Variants in ZFAND1 observed in about 807,000 individuals in gnomAD.
The protein encoded by ZFAND1 is zinc finger AN1-type containing 1.
ZFAND1 carries 40 observed loss-of-function variants against 38.5 expected under a neutral mutation model. That is an observed-to-expected ratio of 1.04 (90% CI 0.81 to 1.35). ZFAND1 has a LOEUF of 1.35. Among genes scored for constraint, ZFAND1 ranks in the 40% most tolerant of loss-of-function variants. The pLI is 0.00. For missense variants in ZFAND1, 346 were observed against 316.3 expected (o/e 1.09, Z -0.71); for synonymous variants, 117 against 103.6 (o/e 1.13, Z -0.78).
chr8:81,708,248 CAAAAAAAAAAAA>C (rs746812833), intron 6 of ZFAND1, among the ~76,000 whole-genome samples: 5 of 62,946 alleles, frequency 7.9e-5, no homozygotes, highest in Admixed American at 1.9e-4. Context: ...AAAGCTCCAT[CAAAAAAAAAAAA>C]AAAAAAAAGG....
intron 6 of ZFAND1, among the ~76,000 whole-genome samples, chr8:81,711,939 AAGAG>A (rs77217580): frequency 0.058 from 8,853 of 152,222 alleles, 360 homozygotes; most frequent in African/African-American, 0.11. Context: ...CAAAGAATAG[AAGAG>A]AGAAAGCTAC....
chr8:81,714,704 C>T, intron 5 of ZFAND1, 100 bp downstream of exon 5: 2 of 962,792 alleles, frequency 2.1e-6, no homozygotes, highest in Admixed American at 3.8e-5. Context: ...ACGAATACCA[C>T]TGGGGTTATT....
intron 6 of ZFAND1, among the ~76,000 whole-genome samples, chr8:81,711,382 A>C (rs1355416746): frequency 6.6e-6 from 1 of 152,342 alleles, no homozygotes; most frequent in South Asian, 2.1e-4. Context: ...ACTGCACTCC[A>C]GCCTGGGCGA....
intron 6 of ZFAND1, chr8:81,708,854 T>C (rs1334698382): frequency 2.5e-6 from 3 of 1,191,894 alleles, no homozygotes; most frequent in Admixed American, 2.9e-5. Context: ...TAAAAATATA[T>C]CTCAGAAGAG....
intron 6 of ZFAND1, among the ~76,000 whole-genome samples, chr8:81,704,538 CAAAAAAAAAAA>C (rs58216047): frequency 2.8e-5 from 3 of 105,336 alleles, no homozygotes; most frequent in African/African-American, 1.1e-4. Flanking sequence ...GACCCTATTT[CAAAAAAAAAAA>C]AAAAAAAAAA....
intron 6 of ZFAND1, among the ~76,000 whole-genome samples, chr8:81,709,573 TAACA>T (rs1231630105): frequency 1.3e-4 from 20 of 152,160 alleles, no homozygotes; most frequent in Middle Eastern, 3.4e-3. Context: ...CACACACATA[TAACA>T]AATACACTTA....
chr8:81,716,817 C>A (rs9643762), intron 3 of ZFAND1, among the ~76,000 whole-genome samples: 8,860 of 152,100 alleles, frequency 0.058, 364 homozygotes, highest in African/African-American at 0.11. Context: ...CGTGGTGGCA[C>A]GTGCCTATAA....
At chr8:81,721,001 G>T in intron 1 of ZFAND1, 1 of 544,212 alleles carries the variant, frequency 1.8e-6, no homozygotes, top group Admixed American at 3.3e-5. Flanking sequence ...CTCAGGAATT[G>T]CATGGCTTCC....
rs1309381611 is a variant in ZFAND1, at chr8:81,717,302, A to G, written c.99-14T>C. On this transcript the variant is annotated splice_polypyrimidine_tract_variant and intron_variant, in intron 2 of 7. Transcript: ENST00000220669. ...CTGTGTTCAAGGCTTAAATAATAAT[A>G]GCAAGTGTTTATTTAAATAACATAC... 2.6e-6 allele frequency: 4 copies of G among 1,514,530 alleles called. No individual in the cohort carries two copies. Among genetic ancestry groups the G allele is most frequent in the Non-Finnish European group, 3.5e-6 (4 of 1,140,660 alleles). 93.8% of individuals were successfully genotyped at this position (1,514,530 alleles called of 1,614,324 possible). A position where few individuals can be genotyped will look rare whatever the true frequency, so the allele number is the denominator to read the frequency against.
At chr8:81,716,371 T>C (rs1182207380) in intron 3 of ZFAND1, among the ~76,000 whole-genome samples, 1 of 152,222 alleles carries the variant, frequency 6.6e-6, no homozygotes, top group Non-Finnish European at 1.5e-5. Context: ...ACCCATTTGC[T>C]CTATGCTGAA....
At chr8:81,721,061 C>G in intron 1 of ZFAND1, 166 bp downstream of exon 1, 1 of 599,602 alleles carries the variant, frequency 1.7e-6, no homozygotes, top group South Asian at 1.9e-5. Flanking sequence ...AAAAAAAACC[C>G]GCACCAACCG....
intron 6 of ZFAND1, among the ~76,000 whole-genome samples, chr8:81,705,001 G>A (rs1440333258): frequency 1.3e-5 from 2 of 152,026 alleles, no homozygotes; most frequent in African/African-American, 2.4e-5. Flanking sequence ...AAATGAAACA[G>A]AAATGCAAAG....
chr8:81,721,223 T>TCACCTCGCTGCCGGCAATGCTC lies in ZFAND1; in HGVS notation c.37_55+3dup. 1 of 1,548,010 alleles carries TCACCTCGCTGCCGGCAATGCTC rather than the reference T, an allele frequency of 6.5e-7. No homozygotes were observed. The highest frequency in any genetic ancestry group is 1.4e-5 in the African/African-American group (1 of 73,156). On this transcript the variant is annotated splice_donor_region_variant and intron_variant, in intron 1 of 7. Transcript: ENST00000220669. ...GGGATGGGGGCTGGAAGCTCCCGGA[T>TCACCTCGCTGCCGGCAATGCTC]CACCTCGCTGCCGGCAATGCTCCAC...
At chr8:81,718,484 C>A (rs1808378639) in intron 1 of ZFAND1, among the ~76,000 whole-genome samples, 1 of 151,738 alleles carries the variant, frequency 6.6e-6, no homozygotes, top group African/African-American at 2.4e-5. Context: ...TTTTCTTTTT[C>A]TTTTTTGTTT....
rs1362971555 is a variant in ZFAND1 at position 81,721,214 on chromosome 8, G to A, written c.55+13C>T. 1.3e-6 allele frequency: 2 copies of A among 1,547,384 alleles called. No homozygotes were observed. Among genetic ancestry groups the A allele is most frequent in the South Asian group, 2.4e-5 (2 of 83,982 alleles). ...CCGCGGCCGGGGATGGGGGCTGGAAGCTCCCGGATCACCTCGCTGCCGGCA... is the reference window on the plus strand; with the variant it reads ...CCGCGGCCGGGGATGGGGGCTGGAAACTCCCGGATCACCTCGCTGCCGGCA... On this transcript the variant is annotated intron_variant, in intron 1 of 7. Coordinates refer to ENST00000220669, the MANE Select transcript of ZFAND1 (RefSeq NM_024699.3).
chr8:81,705,961 C>T (rs1261702782), intron 6 of ZFAND1, among the ~76,000 whole-genome samples: 1 of 151,918 alleles, frequency 6.6e-6, no homozygotes, highest in African/African-American at 2.4e-5. Context: ...AATATGTCGA[C>T]AAGAGATTCA....
intron 1 of ZFAND1, among the ~76,000 whole-genome samples, chr8:81,719,463 C>T (rs775453297): frequency 5.9e-5 from 9 of 151,986 alleles, no homozygotes; most frequent in East Asian, 1.9e-4. Flanking sequence ...GCCGAGATCG[C>T]GCCACTGCAC....
At position 81,704,042 on chromosome 8, in the gene ZFAND1, T is replaced by G. The variant is rs1415504907; in HGVS notation, c.481-918A>C. Among the ~76,000 whole-genome samples the G allele has an allele frequency of 3.3e-5, 5 of 152,238 alleles. No individual in the cohort carries two copies. In the East Asian group the frequency reaches 7.7e-4, roughly 24 times the overall value. On this transcript the variant is annotated intron_variant, in intron 6 of 7. Transcript: ENST00000220669. ...TTTCTGACACATACAACATTTCTTT[T>G]TATGTGAAAGACCTCACTATGTATT... is the stretch of plus-strand genomic sequence containing the variant.
chr8:81,703,108 A>G lies in ZFAND1; in HGVS notation c.497T>C (p.Phe166Ser). 1 of 1,506,966 alleles carries G rather than the reference A, an allele frequency of 6.6e-7. No individual in the cohort carries two copies. The highest frequency in any genetic ancestry group is 8.9e-7 in the Non-Finnish European group (1 of 1,123,200). The allele number at this position is 1,506,966 out of a possible 1,614,324, so 93.3% of individuals were successfully genotyped here. A position where few individuals can be genotyped will look rare whatever the true frequency, so the allele number is the denominator to read the frequency against. The change falls in exon 7 of 8, where the codon TTT becomes TCT. Residue 166 changes from phenylalanine (F) to serine (S), a missense_variant. Transcript: ENST00000220669. The stretch of plus-strand genomic sequence containing the variant: ...GCTCCCTTTAGGTAAGAAAACCTGA[A>G]AGTAAATTCTTTCTGTCTGTAAAAA... ...KSLPQTERIY[F>S]QVFLPKGSKE... is the part of the protein sequence containing the mutation.
Sources: gnomAD v4.1 joint callset for allele counts (sites outside exome capture counted in the v4.1 genomes callset) on GRCh38, gnomAD v4.1.1 for gene constraint, MANE v1.5 for transcripts, NCBI Gene and HGNC (gene_info 2026-07-23, HGNC 2026-07-21) for gene names.